Variants in ASTN2 observed in about 807,000 individuals in gnomAD.
The protein encoded by ASTN2 is astrotactin-2.
A neutral mutation model predicts 139.8 loss-of-function variants in ASTN2; 54 were observed. The ratio of observed to expected loss-of-function variants is 0.39; its 90% CI spans 0.31 to 0.48. The LOEUF is 0.48. Among genes scored for constraint, ASTN2 ranks in the 20% least tolerant of loss-of-function variants. The pLI, the probability that ASTN2 is intolerant of heterozygous loss-of-function variation, is 0.95. For missense variants in ASTN2, 1,565 were observed against 1,725.1 expected, an observed-to-expected ratio of 0.91 and a Z score of 1.64; for synonymous variants, 756 against 719.5, an observed-to-expected ratio of 1.05 and a Z score of -0.81.
intron 20 of ASTN2, among the ~76,000 whole-genome samples, chr9:116,481,853 C>T (rs1849179443): frequency 6.6e-6 from 1 of 152,188 alleles, no homozygotes; most frequent in Admixed American, 6.5e-5. Context: ...CTCTTCCACT[C>T]ATACCTCACC....
At chr9:116,994,648 T>G (rs1836959531) in intron 7 of ASTN2, among the ~76,000 whole-genome samples, 1 of 152,204 alleles carries the variant, frequency 6.6e-6, no homozygotes, top group Non-Finnish European at 1.5e-5. Context: ...TTATTTCATT[T>G]TAATTAATTT....
intron 10 of ASTN2, among the ~76,000 whole-genome samples, chr9:116,923,172 T>G (rs1218317252): frequency 6.6e-6 from 1 of 152,164 alleles, no homozygotes; most frequent in African/African-American, 2.4e-5. Flanking sequence ...TAACCAAAAT[T>G]TTATTTTTTA....
chr9:117,118,284 G>T (rs1156323910), intron 4 of ASTN2, among the ~76,000 whole-genome samples: 1 of 152,018 alleles, frequency 6.6e-6, no homozygotes, highest in Non-Finnish European at 1.5e-5. Context: ...GACAGCTACT[G>T]GCCCAGTTGC....
intron 5 of ASTN2, among the ~76,000 whole-genome samples, chr9:117,076,220 A>G (rs1587936649): frequency 1.3e-5 from 2 of 152,308 alleles, no homozygotes; most frequent in South Asian, 4.1e-4. Context: ...AGCACGCTGG[A>G]GTGGGGAATA....
chr9:116,453,789 G>T (rs898091479), intron 20 of ASTN2, among the ~76,000 whole-genome samples: 1 of 152,058 alleles, frequency 6.6e-6, no homozygotes, highest in Non-Finnish European at 1.5e-5. Flanking sequence ...TTTTCATAAG[G>T]TTTCATTAGA....
chr9:117,152,987 G>C (rs1410139534), intron 3 of ASTN2, among the ~76,000 whole-genome samples: 1 of 152,116 alleles, frequency 6.6e-6, no homozygotes, highest in African/African-American at 2.4e-5. Flanking sequence ...GTACATGGAA[G>C]TATCTGCCTC....
intron 19 of ASTN2, among the ~76,000 whole-genome samples, chr9:116,595,670 T>A (rs1434147337): frequency 6.6e-6 from 1 of 152,042 alleles, no homozygotes; most frequent in Non-Finnish European, 1.5e-5. Flanking sequence ...TTAGATACCT[T>A]TCTGCTTGTG....
At chr9:116,903,577 A>G (rs1411159838) in intron 10 of ASTN2, among the ~76,000 whole-genome samples, 1 of 152,140 alleles carries the variant, frequency 6.6e-6, no homozygotes, top group Admixed American at 6.5e-5. Context: ...TGACACTTCT[A>G]TAGCAAAACT....
intron 19 of ASTN2, among the ~76,000 whole-genome samples, chr9:116,544,554 T>C (rs1427986015): frequency 6.6e-6 from 1 of 152,224 alleles, no homozygotes; most frequent in African/African-American, 2.4e-5. Flanking sequence ...TTTATGTAGA[T>C]GTCACGTGCT....
chr9:117,015,832 T>C (rs1355402593), intron 6 of ASTN2, among the ~76,000 whole-genome samples: 1 of 152,184 alleles, frequency 6.6e-6, no homozygotes, highest in Non-Finnish European at 1.5e-5. Context: ...GGAATCATTA[T>C]ACAACAGATT....
At chr9:116,885,105 A>G (rs1833561413) in intron 10 of ASTN2, among the ~76,000 whole-genome samples, 1 of 152,006 alleles carries the variant, frequency 6.6e-6, no homozygotes, top group African/African-American at 2.4e-5. Context: ...CCTTATTTCC[A>G]CCAGAGGCTG....
intron 4 of ASTN2, among the ~76,000 whole-genome samples, chr9:117,132,051 G>A (rs977037932): frequency 6.6e-6 from 1 of 152,148 alleles, no homozygotes; most frequent in Non-Finnish European, 1.5e-5. Context: ...TCCTGGATCT[G>A]CTAGTTTCTC....
chr9:116,671,065 TC>T (rs1859166923), intron 16 of ASTN2, among the ~76,000 whole-genome samples: 1 of 152,198 alleles, frequency 6.6e-6, no homozygotes, highest in Non-Finnish European at 1.5e-5. Flanking sequence ...GTCTGTCAAC[TC>T]TTAGGTAGGC....
chr9:116,958,952 A>T (rs1035735858), intron 10 of ASTN2, among the ~76,000 whole-genome samples: 1 of 152,182 alleles, frequency 6.6e-6, no homozygotes, highest in African/African-American at 2.4e-5. Context: ...CCTGACTGCC[A>T]TGTGGGGCCT....
intron 16 of ASTN2, among the ~76,000 whole-genome samples, chr9:116,701,880 G>GTTTTTTTTTTTTT (rs11395772): frequency 1.5e-5 from 2 of 133,348 alleles, no homozygotes. Flanking sequence ...AGTTTTTTGG[G>GTTTTTTTTTTTTT]TTTTTTTTTT....
In ASTN2 at chr9:117,182,839, T is replaced by C. The variant is rs143085675; in HGVS notation, c.1015+31519A>G. Among the ~76,000 whole-genome samples, 67 of 152,326 alleles carry C rather than the reference T, an allele frequency of 4.4e-4. No homozygotes were observed. In the East Asian group the frequency reaches 0.01, roughly 23 times the overall value. On this transcript the variant is annotated intron_variant, in intron 3 of 22. Transcript: ENST00000313400. The stretch of plus-strand genomic sequence containing the variant: ...GCTTCCTCACTGTGTTTGAGCCACA[T>C]TGGCCTTCTAGGCCATTAAGCAAGC...
chr9:117,011,103 A>G (rs551532407), intron 6 of ASTN2, among the ~76,000 whole-genome samples: 1 of 152,308 alleles, frequency 6.6e-6, no homozygotes, highest in East Asian at 1.9e-4. Flanking sequence ...AAGGAACAGG[A>G]GCTATTTTGG....
Position 116,976,685 on chromosome 9 carries a change from G to A in ASTN2, c.1676+16C>T, listed in dbSNP as rs755715762. On this transcript the variant is annotated intron_variant, in intron 8 of 22. Transcript: ENST00000313400. ...GGTCCTGCACTGTCCTGGACCTGAT[G>A]CCCTTTGCCACTCACCCTTCACTCT... is the stretch of plus-strand genomic sequence containing the variant. The A allele has an allele frequency of 6.2e-7, 1 of 1,613,208 alleles. No individual in the cohort carries two copies. The highest frequency in any genetic ancestry group is 1.3e-5 in the African/African-American group (1 of 75,024).
chr9:116,946,474 T>C (rs1201513784), intron 10 of ASTN2, among the ~76,000 whole-genome samples: 1 of 152,140 alleles, frequency 6.6e-6, no homozygotes, highest in Non-Finnish European at 1.5e-5. Flanking sequence ...ATAACGATTA[T>C]TGGTTTTCTG....
Sources: gnomAD v4.1 joint callset for allele counts (sites outside exome capture counted in the v4.1 genomes callset) on GRCh38, gnomAD v4.1.1 for gene constraint, MANE v1.5 for transcripts, NCBI Gene and HGNC (gene_info 2026-07-23, HGNC 2026-07-21) for gene names.